ECT2: variants seen among roughly 807,000 people sequenced by gnomAD.
ECT2 encodes the protein epithelial cell transforming 2.
Under a neutral mutation model 116.9 loss-of-function variants are expected in ECT2, and 61 were observed. The observed-to-expected ratio is 0.52, with a 90% CI of 0.42 to 0.65. The LOEUF is 0.65. Ranked by LOEUF, ECT2 falls within the 30% of genes least tolerant of loss-of-function variation. The pLI, the probability that ECT2 is intolerant of heterozygous loss-of-function variation, is 0.00. For missense variants in ECT2, 937 were observed against 1,078.7 expected, an observed-to-expected ratio of 0.87 and a Z score of 1.84; for synonymous variants, 358 against 346.4, an observed-to-expected ratio of 1.03 and a Z score of -0.37.
At chr3:172,774,218 G>A (rs766832803) in intron 14 of ECT2, among the ~76,000 whole-genome samples, 196 bp downstream of exon 14, 4 of 151,884 alleles carry the variant, frequency 2.6e-5, no homozygotes, top group Non-Finnish European at 5.9e-5. Context: ...TTTGTTTTTT[G>A]AGACAGTCTC....
intron 24 of ECT2, chr3:172,818,555 A>G (rs886703144): frequency 1.6e-6 from 2 of 1,278,036 alleles, no homozygotes; most frequent in Non-Finnish European, 2.0e-6. Context: ...CAGATTACCC[A>G]TTCTGTTTCC....
intron 22 of ECT2, among the ~76,000 whole-genome samples, chr3:172,809,404 A>G (rs149380351): frequency 5.9e-5 from 9 of 152,232 alleles, no homozygotes; most frequent in African/African-American, 1.9e-4. Flanking sequence ...TTACACTACA[A>G]AATTCTTTCA....
At chr3:172,823,177 G>A (rs561212029), downstream of ECT2, among the ~76,000 whole-genome samples, 29 of 152,184 alleles carry the variant, frequency 1.9e-4, no homozygotes, top group Non-Finnish European at 3.7e-4. Context: ...TCAACTGAAA[G>A]CTTAGTGGAT....
At chr3:172,767,300 G>C (rs1719630267) in intron 12 of ECT2, among the ~76,000 whole-genome samples, 2 of 152,088 alleles carry the variant, frequency 1.3e-5, no homozygotes, top group Admixed American at 1.3e-4. Context: ...AATCAGCAGG[G>C]TGTGGTGGTG....
intron 13 of ECT2, among the ~76,000 whole-genome samples, chr3:172,772,394 C>T (rs73173401): frequency 0.1 from 15,783 of 152,142 alleles, 1,048 homozygotes; most frequent in Non-Finnish European, 0.15. Flanking sequence ...GATGGGGTTT[C>T]ACCATCTTAG....
chr3:172,809,595 A>ACG (rs1019039063), intron 22 of ECT2, among the ~76,000 whole-genome samples: 3 of 146,126 alleles, frequency 2.1e-5, no homozygotes, highest in Non-Finnish European at 4.5e-5. Flanking sequence ...ACACACACAC[A>ACG]CACGCACACA....
chr3:172,777,237 G>A (rs993511572), intron 14 of ECT2, among the ~76,000 whole-genome samples: 6 of 151,982 alleles, frequency 3.9e-5, no homozygotes, highest in Non-Finnish European at 5.9e-5. Flanking sequence ...TATAAAATGG[G>A]GATAATAATA....
In ECT2 at chr3:172,782,599, G is replaced by T. The variant is rs1296933425; in HGVS notation, c.1617+368G>T. On this transcript the variant is annotated intron_variant, in intron 15 of 24. Transcript: ENST00000392692. ...GGGTTTATTATATAGGTAAAATTGTGTCATAGGGGTTAATTGTACAGATTG... is the reference window on the plus strand; with the variant it reads ...GGGTTTATTATATAGGTAAAATTGTTTCATAGGGGTTAATTGTACAGATTG... Among the ~76,000 whole-genome samples the T allele has an allele frequency of 2.0e-5, 3 of 152,160 alleles. No homozygotes were observed. The East Asian group carries it at 5.8e-4, about 29-fold the overall frequency.
At chr3:172,764,531 A>C in intron 12 of ECT2, 31 bp downstream of exon 12, 2 of 1,567,166 alleles carry the variant, frequency 1.3e-6, no homozygotes, top group Admixed American at 3.3e-5. Context: ...CTTGTCTTTA[A>C]AGTTTAGTGG....
At position 172,756,985 on chromosome 3, in the gene ECT2, C is replaced by A; in HGVS notation, c.306C>A (p.Asp102Glu). Residue 102 changes from aspartate to glutamate, a missense_variant and splice_region_variant, in exon 5 of 25, where the codon GAC (aspartate) becomes GAA (glutamate). Coordinates refer to ENST00000392692, the MANE Select transcript of ECT2 (RefSeq NM_001258315.2). ...TCTGCTAACTATATGATGAAAAGGA[C>A]ATTAAAGTGGGCTTTGTAAAGATGG... The part of the protein sequence containing the change: ...EKLIKSVINM[D>E]IKVGFVKMES... 1 of 1,600,060 alleles carries A rather than the reference C, an allele frequency of 6.2e-7. No individual in the cohort carries two copies.
At position 172,764,640 on chromosome 3, in the gene ECT2, A is replaced by G. The variant is rs566838130; in HGVS notation, c.1291+140A>G. ...TGTTCTAGCTGTAGAGAAAAGACACATGAATAGTTAAGCTTAATAATGTTG... is the reference window on the plus strand; with the variant it reads ...TGTTCTAGCTGTAGAGAAAAGACACGTGAATAGTTAAGCTTAATAATGTTG... On this transcript the variant is annotated intron_variant, in intron 12 of 24. Coordinates refer to ENST00000392692, the MANE Select transcript of ECT2 (RefSeq NM_001258315.2). 6.9e-4 allele frequency: 510 copies of G among 742,008 alleles called. 2 individuals are homozygous for G. The African/African-American group carries it at 8.3e-3, about 12-fold the overall frequency. 46.0% of individuals were successfully genotyped at this position (742,008 alleles called of 1,614,324 possible).
chr3:172,784,270 A>G (rs923652347), intron 16 of ECT2, among the ~76,000 whole-genome samples: 3 of 151,444 alleles, frequency 2.0e-5, no homozygotes, highest in African/African-American at 7.3e-5. Flanking sequence ...ACATAGTGAG[A>G]CTCCCATCTC....
Position 172,806,049 on chromosome 3 carries a change from T to G in ECT2, c.2245+180T>G, listed in dbSNP as rs892926111. 5.0e-6 allele frequency: 3 copies of G among 598,912 alleles called. No individual in the cohort carries two copies. The African/African-American group carries it at 5.5e-5, about 11-fold the overall frequency. The allele number at this position is 598,912 out of a possible 1,614,324, so 37.1% of individuals were successfully genotyped here. A position where few individuals can be genotyped will look rare whatever the true frequency, so the allele number is the denominator to read the frequency against. On this transcript the variant is annotated intron_variant, in intron 21 of 24. Transcript: ENST00000392692. ...CTCCATCTCTAGGAACAGAACTGAC[T>G]TTTTGTTTTCTCAAATGAAAGTACT... is the stretch of plus-strand genomic sequence containing the variant.
intron 4 of ECT2, 83 bp from the exon 5 acceptor site, chr3:172,756,896 AATTG>A (rs988845958): frequency 1.5e-4 from 167 of 1,126,544 alleles, no homozygotes; most frequent in Non-Finnish European, 2.1e-4. Context: ...GTTGATATTG[AATTG>A]ATTGTTAAGC....
intron 18 of ECT2, among the ~76,000 whole-genome samples, chr3:172,793,746 G>A (rs1725115747): frequency 6.6e-6 from 1 of 152,180 alleles, no homozygotes; most frequent in South Asian, 2.1e-4. Flanking sequence ...TTACAGGCAT[G>A]AGCCACCACA....
At chr3:172,803,850 C>T (rs1239362057) in intron 20 of ECT2, among the ~76,000 whole-genome samples, 5 of 150,980 alleles carry the variant, frequency 3.3e-5, no homozygotes, top group African/African-American at 1.2e-4. Context: ...CATTGCCCAG[C>T]TTGGAGTGCA....
At chr3:172,769,601 T>G (rs1330527356) in intron 13 of ECT2, among the ~76,000 whole-genome samples, 1 of 152,166 alleles carries the variant, frequency 6.6e-6, no homozygotes, top group African/African-American at 2.4e-5. Flanking sequence ...CAGTAATCAT[T>G]TCATGTGACA....
chr3:172,810,090 C>G (rs141751357), intron 22 of ECT2, among the ~76,000 whole-genome samples: 1 of 152,206 alleles, frequency 6.6e-6, no homozygotes, highest in Non-Finnish European at 1.5e-5. Flanking sequence ...TCATATATTG[C>G]CTAAGATAAG....
the ECT2 span, among the ~76,000 whole-genome samples, chr3:172,826,844 A>G: frequency 6.6e-6 from 1 of 152,238 alleles, no homozygotes; most frequent in Non-Finnish European, 1.5e-5. Flanking sequence ...GAAACAATCA[A>G]CAAAGTGAAG....
Sources: gnomAD v4.1 joint callset for allele counts (sites outside exome capture counted in the v4.1 genomes callset) on GRCh38, gnomAD v4.1.1 for gene constraint, MANE v1.5 for transcripts, NCBI Gene and HGNC (gene_info 2026-07-23, HGNC 2026-07-21) for gene names.